Variants in SPECC1 observed in about 807,000 individuals in gnomAD.
SPECC1 encodes the protein sperm antigen with calponin homology and coiled-coil domains 1.
Under a neutral mutation model 104.1 loss-of-function variants are expected in SPECC1, and 62 were observed. The observed-to-expected ratio is 0.60, with a 90% CI of 0.49 to 0.74. SPECC1 has a LOEUF of 0.74. SPECC1 is among the 30% of genes least tolerant of loss of function. The pLI is 0.00. For synonymous variants in SPECC1, 513 were observed against 501.6 expected, an observed-to-expected ratio of 1.02 and a Z score of -0.30; for missense variants, 1,306 against 1,310.5, an observed-to-expected ratio of 1.00 and a Z score of 0.05.
At chr17:20,247,183 A>G (rs1234176027) in intron 8 of SPECC1, 36 bp from the exon 9 acceptor site, 3 of 1,537,424 alleles carry the variant, frequency 2.0e-6, no homozygotes, top group Non-Finnish European at 2.7e-6. Context: ...TTGAAGTGGA[A>G]CAACATATAA....
In SPECC1 at chr17:20,111,851, G is replaced by C; in HGVS notation, c.283+1289G>C. 5 of 841,344 alleles carry C rather than the reference G, an allele frequency of 5.9e-6. No homozygotes were observed. In the Admixed American group the frequency reaches 8.5e-5, roughly 14 times the overall value. The allele number at this position is 841,344 out of a possible 1,614,324, so 52.1% of individuals were successfully genotyped here. Reference sequence around the variant, plus strand: ...GAGGTGGGTGGCCCTGTTCCTGAACGGCAGCCCCAAGAAGGGAAAGGTGGT... The same window carrying C: ...GAGGTGGGTGGCCCTGTTCCTGAACCGCAGCCCCAAGAAGGGAAAGGTGGT... On this transcript the variant is annotated intron_variant, in intron 3 of 14. Coordinates refer to ENST00000395527, the MANE Select transcript of SPECC1 (RefSeq NM_001243439.2).
Position 20,205,454 on chromosome 17 carries a change from A to C in SPECC1, c.1405A>C (p.Lys469Gln), listed in dbSNP as rs746162258. The C allele has an allele frequency of 4.3e-5, 69 of 1,613,994 alleles. No individual in the cohort carries two copies. Among genetic ancestry groups the C allele is most frequent in the Non-Finnish European group, 5.5e-5 (65 of 1,180,052 alleles). The change falls in exon 4 of 15, where the codon AAG becomes CAG. Residue 469 changes from lysine to glutamine, a missense_variant. Physicochemically the swap from Lys to Gln is moderately conservative, Grantham distance 53. Transcript: ENST00000395527. The part of the protein sequence containing the change: ...QEGKIIELEQ[K>Q]CTGILEQGRF... ...AGGAAAAATTATTGAACTGGAGCAG[A>C]AGTGCACAGGTATTCTTGAACAGGG...
chr17:20,296,454 T>C (rs930329312), intron 12 of SPECC1, among the ~76,000 whole-genome samples: 31 of 152,244 alleles, frequency 2.0e-4, no homozygotes, highest in Non-Finnish European at 3.7e-4. Context: ...TCAGGTAGCG[T>C]GATGCCTCCA....
At chr17:20,312,829 G>A (rs2041968503) in intron 14 of SPECC1, among the ~76,000 whole-genome samples, 1 of 152,114 alleles carries the variant, frequency 6.6e-6, no homozygotes, top group African/African-American at 2.4e-5. Flanking sequence ...TAATTTTTTA[G>A]CATCACCAGG....
rs752474909 is a variant in SPECC1 at position 20,204,477 on chromosome 17, C to A, written c.428C>A (p.Pro143His). The change falls in exon 4 of 15, where the codon CCT becomes CAT. Residue 143 changes from proline to histidine, a missense_variant. Around this residue, in one of 2 missense-constraint regions of SPECC1, gnomAD observed 1,177 missense variants for 1,139.9 expected, o/e 1.03. Coordinates refer to ENST00000395527, the MANE Select transcript of SPECC1 (RefSeq NM_001243439.2). ...SSPTSSNTPT[P>H]TKHLRTPSTK... ...CCAACTTCTTCCAACACTCCCACTC[C>A]TACGAAACACCTGAGGACCCCTTCC... 6.8e-6 allele frequency: 11 copies of A among 1,613,972 alleles called. No individual in the cohort carries two copies. The highest frequency in any genetic ancestry group is 1.3e-5 in the African/African-American group (1 of 74,878).
intron 1 of SPECC1, among the ~76,000 whole-genome samples, chr17:20,078,322 T>C (rs1412249946): frequency 2.6e-5 from 4 of 151,668 alleles, no homozygotes; most frequent in African/African-American, 9.7e-5. Context: ...TCATAATAAA[T>C]GATCCCAGCA....
chr17:20,183,132 C>A (rs527392889), intron 3 of SPECC1, among the ~76,000 whole-genome samples: 4 of 152,070 alleles, frequency 2.6e-5, no homozygotes, highest in Non-Finnish European at 5.9e-5. Context: ...AAAAGAAAAA[C>A]AAAGGTGTTC....
intron 1 of SPECC1, among the ~76,000 whole-genome samples, chr17:20,066,779 C>A (rs1056868675): frequency 1.3e-5 from 2 of 151,814 alleles, no homozygotes; most frequent in African/African-American, 4.8e-5. Flanking sequence ...TAGAGTTTTG[C>A]CCAGGCTGGA....
intron 9 of SPECC1, among the ~76,000 whole-genome samples, chr17:20,249,398 A>G (rs2039540612): frequency 6.6e-6 from 1 of 152,196 alleles, no homozygotes; most frequent in Non-Finnish European, 1.5e-5. Flanking sequence ...AGCCTGGGCA[A>G]CAGAGCAAGA....
At position 20,124,297 on chromosome 17, in the gene SPECC1, C is replaced by T. The variant is rs76651265; in HGVS notation, c.283+13735C>T. Among the ~76,000 whole-genome samples the T allele has an allele frequency of 5.7e-4, 87 of 152,188 alleles. 2 individuals carry two copies. The East Asian group carries it at 0.016, about 29-fold the overall frequency. ...TAGGTATGAGGTACAGCGAGACCTT[C>T]AGTTTGGGAAATGTGAGAAAATGAA... is the stretch of plus-strand genomic sequence containing the variant. On this transcript the variant is annotated intron_variant, in intron 3 of 14. Coordinates refer to ENST00000395527, the MANE Select transcript of SPECC1 (RefSeq NM_001243439.2).
chr17:20,222,016 G>GT (rs34220423), intron 4 of SPECC1, among the ~76,000 whole-genome samples: 61,592 of 140,432 alleles, frequency 0.44, 13,578 homozygotes, highest in East Asian at 0.79. Flanking sequence ...TATGATTTCA[G>GT]TTTTTTTTTT....
intron 1 of SPECC1, among the ~76,000 whole-genome samples, chr17:20,048,127 G>A (rs2045607063): frequency 1.3e-5 from 2 of 150,406 alleles, no homozygotes; most frequent in African/African-American, 4.9e-5. Flanking sequence ...AAGATCTAGA[G>A]AAATGAGTCT....
chr17:20,207,798 TC>T (rs1435254849), intron 4 of SPECC1, among the ~76,000 whole-genome samples: 4 of 152,232 alleles, frequency 2.6e-5, no homozygotes, highest in Admixed American at 2.6e-4. Flanking sequence ...TATTTTGTCT[TC>T]CTATCCAGAA....
chr17:20,143,175 G>GAAA (rs35425849), intron 3 of SPECC1, among the ~76,000 whole-genome samples: 8 of 140,136 alleles, frequency 5.7e-5, no homozygotes, highest in Non-Finnish European at 7.7e-5. Context: ...TTCTTTATAG[G>GAAA]AAAAAAAAAA....
intron 13 of SPECC1, among the ~76,000 whole-genome samples, chr17:20,302,354 G>C (rs1404504236): frequency 1.3e-5 from 2 of 152,186 alleles, no homozygotes; most frequent in East Asian, 3.9e-4. Context: ...ACCCTGCCCG[G>C]CTCCTGTGGG....
intron 9 of SPECC1, among the ~76,000 whole-genome samples, chr17:20,251,208 G>A (rs2039614573): frequency 2.0e-5 from 1 of 50,514 alleles, no homozygotes. Context: ...CTGGGCGACA[G>A]AGTAAGACTC....
chr17:20,284,194 G>A (rs2040867917), intron 12 of SPECC1, among the ~76,000 whole-genome samples: 1 of 152,222 alleles, frequency 6.6e-6, no homozygotes, highest in African/African-American at 2.4e-5. Flanking sequence ...GTGATGGCCA[G>A]CTCACCAGCT....
At chr17:20,160,335 G>A (rs1302347502) in intron 3 of SPECC1, among the ~76,000 whole-genome samples, 3 of 152,056 alleles carry the variant, frequency 2.0e-5, no homozygotes, top group Non-Finnish European at 4.4e-5. Context: ...GCCAGCAGTC[G>A]GGAGAGGAGA....
intron 1 of SPECC1, among the ~76,000 whole-genome samples, chr17:20,043,157 T>C (rs2045402022): frequency 6.6e-6 from 1 of 152,206 alleles, no homozygotes; most frequent in Non-Finnish European, 1.5e-5. Context: ...TGTGATTAGC[T>C]TCAAACAGTT....
Sources: allele counts gnomAD v4.1 joint callset (sites outside exome capture counted in the v4.1 genomes callset), GRCh38; gene constraint gnomAD v4.1.1; regional missense constraint gnomAD v4.1.1; transcripts MANE v1.5; gene names NCBI Gene and HGNC (gene_info 2026-07-23, HGNC 2026-07-21).